Variants in HDLBP observed in about 807,000 individuals in gnomAD.
HDLBP encodes the protein vigilin.
Under a neutral mutation model 137.3 loss-of-function variants are expected in HDLBP, and 30 were observed. That is an observed-to-expected ratio of 0.22 (90% CI 0.16 to 0.30). The LOEUF (loss-of-function observed/expected upper bound fraction) is 0.30, where lower values mean the gene tolerates loss of function less well. Ranked by LOEUF, HDLBP falls within the 10% of genes least tolerant of loss-of-function variation. The pLI, the probability that HDLBP is intolerant of heterozygous loss-of-function variation, is 1.00. For missense variants in HDLBP, 1,119 were observed against 1,667.3 expected (o/e 0.67, Z 5.73); for synonymous variants, 606 against 596.0 (o/e 1.02, Z -0.24).
Position 241,239,475 on chromosome 2 carries a change from C to A in HDLBP, c.2610+127G>T. ...AAGAAGAGCGAGCACCAGAAAGCCCCTTCTGAAGCCTTCCAGGGCTGTATG... is the reference window on the plus strand; with the variant it reads ...AAGAAGAGCGAGCACCAGAAAGCCCATTCTGAAGCCTTCCAGGGCTGTATG... On this transcript the variant is annotated intron_variant, in intron 19 of 27. Coordinates refer to ENST00000310931, the MANE Select transcript of HDLBP (RefSeq NM_005336.6). This position sits in a 1 kb window ranked among gnomAD's most constrained non-coding sequence, Gnocchi z 4.6. 2 of 729,078 alleles carry A rather than the reference C, an allele frequency of 2.7e-6. No individual in the cohort carries two copies. The highest frequency in any genetic ancestry group is 5.1e-5 in the East Asian group (2 of 39,096). 45.2% of individuals were successfully genotyped at this position (729,078 alleles called of 1,614,324 possible).
intron 1 of HDLBP, among the ~76,000 whole-genome samples, chr2:241,281,756 T>C (rs888293450): frequency 1.3e-5 from 2 of 152,218 alleles, no homozygotes; most frequent in African/African-American, 4.8e-5. Flanking sequence ...TTATTAGTTT[T>C]AGGATGGATT....
At position 241,233,862 on chromosome 2, in the gene HDLBP, A is replaced by G. The variant is rs1345245473; in HGVS notation, c.3246T>C (p.His1082=). The G allele has an allele frequency of 6.2e-7, 1 of 1,614,084 alleles. No individual in the cohort carries two copies. Among genetic ancestry groups the G allele is most frequent in the Non-Finnish European group, 8.5e-7 (1 of 1,180,046 alleles). ...GAVITQIRLE[H]DVNIQFPDKD... is the part of the protein sequence containing the mutation. ...TATCAGGAAACTGGATGTTCACGTCATGCTCCAACCGGATTTGGGTAATTA... is the reference window on the plus strand; with the variant it reads ...TATCAGGAAACTGGATGTTCACGTCGTGCTCCAACCGGATTTGGGTAATTA... Residue 1082 remains histidine, a synonymous_variant, in exon 24 of 28, where the codon CAT becomes CAC. Coordinates refer to ENST00000310931, the MANE Select transcript of HDLBP (RefSeq NM_005336.6). This position sits in a 1 kb window ranked among gnomAD's most constrained non-coding sequence, Gnocchi z 4.3.
At chr2:241,307,432 G>A (rs1250943586) in intron 1 of HDLBP, among the ~76,000 whole-genome samples, 1 of 152,192 alleles carries the variant, frequency 6.6e-6, no homozygotes, top group Non-Finnish European at 1.5e-5. Context: ...GACTGGAATG[G>A]GATGGGTAGG....
chr2:241,264,655 T>C (rs1472986895), intron 3 of HDLBP, 50 bp from the exon 4 acceptor site: 5 of 1,569,274 alleles, frequency 3.2e-6, no homozygotes, highest in East Asian at 4.5e-5. Context: ...TAGCATTACA[T>C]GAAAAACACT....
chr2:241,249,802 G>C, intron 12 of HDLBP, 39 bp downstream of exon 12: 1 of 1,564,180 alleles, frequency 6.4e-7, no homozygotes, highest in Non-Finnish European at 8.6e-7. Flanking sequence ...AGAGACGCAA[G>C]GCCAGTGCCT....
Position 241,264,753 on chromosome 2 carries a change from T to C in HDLBP, c.77-148A>G, listed in dbSNP as rs1574965510. 10 of 744,444 alleles carry C rather than the reference T, an allele frequency of 1.3e-5. No individual in the cohort carries two copies. In the East Asian group the frequency reaches 2.9e-4, roughly 21 times the overall value. The allele number at this position is 744,444 out of a possible 1,614,324, so 46.1% of individuals were successfully genotyped here. ...CCCCCCACCCCTCTCTTCTAATTCA[T>C]AGTGATAGGAAAAGGCCCCAGGAGG... On this transcript the variant is annotated intron_variant, in intron 3 of 27. Transcript: ENST00000310931.
At position 241,237,670 on chromosome 2, in the gene HDLBP, A is replaced by G. The variant is rs74000610; in HGVS notation, c.2750-901T>C. ...TTATGTAAGAGAATGTCCTTGTTCT[A>G]AGAAAATACCCACCATGAATAAAGG... On this transcript the variant is annotated intron_variant, in intron 20 of 27. Coordinates refer to ENST00000310931, the MANE Select transcript of HDLBP (RefSeq NM_005336.6). 7.1e-3 allele frequency among the ~76,000 whole-genome samples: 1,078 copies of G among 152,318 alleles called. 11 individuals are homozygous for G. The highest frequency in any genetic ancestry group is 0.024 in the African/African-American group (1,009 of 41,574).
intron 1 of HDLBP, among the ~76,000 whole-genome samples, chr2:241,308,344 A>G (rs774062631): frequency 9.8e-5 from 15 of 152,348 alleles, no homozygotes; most frequent in South Asian, 6.2e-4. Context: ...GAATGAACAG[A>G]AAGAATTATA....
intron 1 of HDLBP, among the ~76,000 whole-genome samples, chr2:241,312,002 A>G (rs905251619): frequency 3.3e-5 from 5 of 152,238 alleles, no homozygotes; most frequent in Admixed American, 3.3e-4. Context: ...AGTTGGAGGC[A>G]AAGATCAAGG....
At chr2:241,249,322 C>T (rs1476794715) in intron 12 of HDLBP, 1 of 470,968 alleles carries the variant, frequency 2.1e-6, no homozygotes, top group Non-Finnish European at 4.4e-6. Flanking sequence ...TACTTAAAGG[C>T]ACCCAGAGAC....
At chr2:241,241,746 G>A (rs1005019221) in intron 17 of HDLBP, among the ~76,000 whole-genome samples, 2 of 152,034 alleles carry the variant, frequency 1.3e-5, no homozygotes, top group Non-Finnish European at 2.9e-5. Flanking sequence ...CACTAAAAGA[G>A]TAACAGTAGT....
intron 1 of HDLBP, chr2:241,315,158 C>T (rs928843023): frequency 6.6e-6 from 1 of 152,262 alleles, no homozygotes; most frequent in Non-Finnish European, 1.5e-5. Context: ...CGCCCTCCCC[C>T]GCGGGGCGGC....
At chr2:241,287,420 CTTT>C (rs57462994) in intron 1 of HDLBP, among the ~76,000 whole-genome samples, 3 of 135,370 alleles carry the variant, frequency 2.2e-5, no homozygotes, top group Non-Finnish European at 3.2e-5. Context: ...TTCTTTCTTT[CTTT>C]TTTTTTTTTT....
Position 241,233,852 on chromosome 2 carries a change from T to A in HDLBP, c.3256A>T (p.Ile1086Phe). The A allele has an allele frequency of 6.2e-7, 1 of 1,614,184 alleles. No individual in the cohort carries two copies. The highest frequency in any genetic ancestry group is 8.5e-7 in the Non-Finnish European group (1 of 1,180,032). The change falls in exon 24 of 28, where the codon ATC becomes TTC. Residue 1086 changes from isoleucine to phenylalanine, a missense_variant. Around this residue, in one of 4 missense-constraint regions of HDLBP, gnomAD observed 618 missense variants for 816.7 expected, o/e 0.76. Coordinates refer to ENST00000310931, the MANE Select transcript of HDLBP (RefSeq NM_005336.6). This position sits in a 1 kb window ranked among gnomAD's most constrained non-coding sequence, Gnocchi z 4.3. ...CCATCGTCCTTATCAGGAAACTGGA[T>A]GTTCACGTCATGCTCCAACCGGATT... is the stretch of plus-strand genomic sequence containing the variant. Reference protein sequence around the residue: ...TQIRLEHDVNIQFPDKDDGNQ... With the variant: ...TQIRLEHDVNFQFPDKDDGNQ...
At chr2:241,257,684 C>T (rs1192469121) in intron 5 of HDLBP, among the ~76,000 whole-genome samples, 1 of 152,102 alleles carries the variant, frequency 6.6e-6, no homozygotes, top group Non-Finnish European at 1.5e-5. Context: ...GGCGATCATC[C>T]CAATTAACTT....
Position 241,227,669 on chromosome 2 carries a change from G to C in HDLBP, c.*1932C>G, listed in dbSNP as rs115328890. The C allele has an allele frequency of 8.7e-4, 133 of 152,770 alleles. No homozygotes were observed. The highest frequency in any genetic ancestry group is 3.1e-3 in the African/African-American group (128 of 41,574). The allele number at this position is 152,770 out of a possible 1,614,324, so 9.5% of individuals were successfully genotyped here. A position where few individuals can be genotyped will look rare whatever the true frequency, so the allele number is the denominator to read the frequency against. ...GCAAAACTTGGTGAGAATTAAAATT[G>C]ACCTTTGGGAGAGGGTAGGGGCAGG... On this transcript the variant is annotated 3_prime_UTR_variant, in exon 28 of 28. Transcript: ENST00000310931.
At chr2:241,312,221 A>C (rs951567271) in intron 1 of HDLBP, among the ~76,000 whole-genome samples, 4 of 152,278 alleles carry the variant, frequency 2.6e-5, no homozygotes, top group African/African-American at 9.6e-5. Flanking sequence ...TTACCAAATT[A>C]ACAACAAGTA....
At chr2:241,268,295 G>A (rs147124226) in intron 2 of HDLBP, 182 bp downstream of exon 2, 6,953 of 180,092 alleles carry the variant, frequency 0.039, 176 homozygotes, top group Non-Finnish European at 0.055. Context: ...AGGGACACAC[G>A]TCTATAGATG....
At chr2:241,249,052 G>A (rs1236209989) in intron 12 of HDLBP, among the ~76,000 whole-genome samples, 1 of 152,148 alleles carries the variant, frequency 6.6e-6, no homozygotes, top group African/African-American at 2.4e-5. Context: ...CTGGAGGCCA[G>A]GCTAAGAGGA....
Sources: allele counts gnomAD v4.1 joint callset (sites outside exome capture counted in the v4.1 genomes callset), GRCh38; gene constraint gnomAD v4.1.1; regional missense constraint gnomAD v4.1.1; non-coding constraint Gnocchi (gnomAD v3.1); transcripts MANE v1.5; gene names NCBI Gene and HGNC (gene_info 2026-07-23, HGNC 2026-07-21).